Variants in ASB4 observed in about 807,000 individuals in gnomAD.
ASB4 encodes ankyrin repeat and SOCS box containing 4.
A neutral mutation model predicts 38.6 loss-of-function variants in ASB4; 35 were observed. The observed-to-expected ratio is 0.91, with a 90% CI of 0.69 to 1.20. The LOEUF is 1.20. Ranked by LOEUF, ASB4 falls within the 50% of genes most tolerant of loss-of-function variation. ASB4 has a pLI of 0.00. For missense variants in ASB4, 557 were observed against 527.2 expected, an observed-to-expected ratio of 1.06 and a Z score of -0.55; for synonymous variants, 195 against 201.3, an observed-to-expected ratio of 0.97 and a Z score of 0.26.
rs373244916 is a variant in ASB4, at chr7:95,536,516, A to G, written c.1058A>G (p.Lys353Arg). 11 of 1,612,536 alleles carry G rather than the reference A, an allele frequency of 6.8e-6. No homozygotes were observed. The highest frequency in any genetic ancestry group is 9.3e-6 in the Non-Finnish European group (11 of 1,178,770). ...TATGAACACATCAGATGGAACACAA[A>G]GTGGAGAAGAGCTATCCCCGATGAT... ...NAYEHIRWNT[K>R]WRRAIPDDDL... is the part of the protein sequence containing the mutation. The change falls in exon 4 of 5, where the codon AAG becomes AGG. Residue 353 changes from lysine to arginine, a missense_variant. Physicochemically the swap from Lys to Arg is conservative, Grantham distance 26. Coordinates refer to ENST00000325885, the MANE Select transcript of ASB4 (RefSeq NM_016116.3).
chr7:95,529,118 A>G (rs1020241603), intron 3 of ASB4, among the ~76,000 whole-genome samples: 1 of 152,226 alleles, frequency 6.6e-6, no homozygotes, highest in African/African-American at 2.4e-5. Context: ...AAGCAAATAA[A>G]GGGGTAATTT....
intron 2 of ASB4, among the ~76,000 whole-genome samples, chr7:95,519,443 CAATT>C (rs1474827083): frequency 1.3e-5 from 2 of 152,116 alleles, no homozygotes; most frequent in Non-Finnish European, 2.9e-5. Flanking sequence ...AGAGCAGACA[CAATT>C]AATATTTTCA....
intron 1 of ASB4, among the ~76,000 whole-genome samples, chr7:95,487,742 A>G (rs1476024576): frequency 1.3e-5 from 2 of 152,146 alleles, no homozygotes; most frequent in Non-Finnish European, 2.9e-5. Context: ...CATTCCCACG[A>G]ATTGAGGTGT....
chr7:95,537,543 C>T, intron 4 of ASB4, 28 bp from the exon 5 acceptor site: 2 of 1,570,476 alleles, frequency 1.3e-6, no homozygotes, highest in Non-Finnish European at 1.7e-6. Context: ...GCCTTGCTAA[C>T]TTTAATTTGT....
chr7:95,493,486 C>T (rs1364880788), intron 1 of ASB4, among the ~76,000 whole-genome samples: 1 of 152,052 alleles, frequency 6.6e-6, no homozygotes, highest in East Asian at 1.9e-4. Flanking sequence ...GGATTAATCA[C>T]TGTGCACAAC....
the ASB4 span, among the ~76,000 whole-genome samples, chr7:95,547,048 A>G: frequency 6.6e-6 from 1 of 152,216 alleles, no homozygotes; most frequent in Non-Finnish European, 1.5e-5. Context: ...CACTTATACT[A>G]TGTTGTAAAT....
rs1464419870 is a variant in ASB4 at position 95,539,097 on chromosome 7, T to C, written c.*1338T>C. On this transcript the variant is annotated 3_prime_UTR_variant, in exon 5 of 5. Coordinates refer to ENST00000325885, the MANE Select transcript of ASB4 (RefSeq NM_016116.3). ...TTTTTTGTTCTTGCTATAATCACTT[T>C]TAGATAAGCTCATTGCTCTTAGCAT... The C allele has an allele frequency of 1.3e-5, 2 of 152,000 alleles. No individual in the cohort carries two copies. Among genetic ancestry groups the C allele is most frequent in the Non-Finnish European group, 2.9e-5 (2 of 68,004 alleles). 9.4% of individuals were successfully genotyped at this position (152,000 alleles called of 1,614,324 possible). A position where few individuals can be genotyped will look rare whatever the true frequency, so the allele number is the denominator to read the frequency against.
intron 2 of ASB4, among the ~76,000 whole-genome samples, chr7:95,498,318 A>G (rs1716514467): frequency 6.6e-6 from 1 of 152,174 alleles, no homozygotes. Flanking sequence ...ACATATTAGA[A>G]TAGCTAACAT....
chr7:95,501,737 C>T (rs1399241808), intron 2 of ASB4, among the ~76,000 whole-genome samples: 1 of 152,114 alleles, frequency 6.6e-6, no homozygotes, highest in Admixed American at 6.5e-5. Flanking sequence ...CCAGCCGGTA[C>T]AGTTATTCCC....
At chr7:95,473,471 T>A (rs1177848478), upstream of ASB4, among the ~76,000 whole-genome samples, 7 of 152,132 alleles carry the variant, frequency 4.6e-5, no homozygotes, top group Non-Finnish European at 1.0e-4. Flanking sequence ...CAGTGATGAG[T>A]TCCCAGCGGA....
upstream of ASB4, among the ~76,000 whole-genome samples, chr7:95,474,974 AC>A (rs1244077804): frequency 6.6e-6 from 1 of 152,246 alleles, no homozygotes; most frequent in African/African-American, 2.4e-5. Flanking sequence ...TTCAGGAGAT[AC>A]TTTTGCAATA....
At chr7:95,501,410 T>C (rs1790335294) in intron 2 of ASB4, among the ~76,000 whole-genome samples, 2 of 152,218 alleles carry the variant, frequency 1.3e-5, no homozygotes, top group Non-Finnish European at 2.9e-5. Flanking sequence ...TAAGGCAAGA[T>C]GTCACTGGCC....
chr7:95,533,182 G>T (rs1562822620), intron 3 of ASB4, among the ~76,000 whole-genome samples: 2 of 152,252 alleles, frequency 1.3e-5, no homozygotes, highest in Non-Finnish European at 2.9e-5. Context: ...GCCAGGGAGA[G>T]GCCTGCAATT....
downstream of ASB4, chr7:95,544,684 T>G (rs1237730099): frequency 6.6e-6 from 1 of 152,058 alleles, no homozygotes; most frequent in East Asian, 1.9e-4. Flanking sequence ...GGAATTTATT[T>G]ATTTTTATTT....
intron 2 of ASB4, among the ~76,000 whole-genome samples, chr7:95,501,502 T>C (rs1379214283): frequency 2.0e-5 from 3 of 152,218 alleles, no homozygotes; most frequent in Non-Finnish European, 4.4e-5. Context: ...TTCATCTTAA[T>C]CATAAATAAG....
chr7:95,548,476 G>A, the ASB4 span, among the ~76,000 whole-genome samples: 6 of 152,116 alleles, frequency 3.9e-5, no homozygotes, highest in African/African-American at 1.4e-4. Flanking sequence ...ATGTTATATT[G>A]TCCATCAGTG....
intron 1 of ASB4, among the ~76,000 whole-genome samples, chr7:95,489,393 A>T (rs1790138548): frequency 6.6e-6 from 1 of 152,218 alleles, no homozygotes; most frequent in South Asian, 2.1e-4. Context: ...TTTAGAAGCC[A>T]GCCTCCAGAG....
upstream of ASB4, among the ~76,000 whole-genome samples, chr7:95,484,039 A>C (rs1790049806): frequency 6.6e-6 from 1 of 151,742 alleles, no homozygotes; most frequent in African/African-American, 2.4e-5. Context: ...AAAAAAAAAA[A>C]AAAAATTGTC....
chr7:95,543,273 C>A (rs1478533848), downstream of ASB4: 1 of 152,338 alleles, frequency 6.6e-6, no homozygotes, highest in Non-Finnish European at 1.5e-5. Context: ...ACTGTATCAA[C>A]TGACTCCCTG....
Sources: allele counts gnomAD v4.1 joint callset (sites outside exome capture counted in the v4.1 genomes callset), GRCh38; gene constraint gnomAD v4.1.1; transcripts MANE v1.5; gene names NCBI Gene and HGNC (gene_info 2026-07-23, HGNC 2026-07-21).